Variants in NVL observed in about 807,000 individuals in gnomAD.
NVL encodes nuclear VCP like.
In NVL, 84 loss-of-function variants were observed where a neutral mutation model predicts 110.2. The ratio of observed to expected loss-of-function variants is 0.76; its 90% CI spans 0.64 to 0.91. The LOEUF (loss-of-function observed/expected upper bound fraction) is 0.91, where lower values mean the gene tolerates loss of function less well. Among genes scored for constraint, NVL ranks in the 40% least tolerant of loss-of-function variants. The pLI, the probability that NVL is intolerant of heterozygous loss-of-function variation, is 0.00. For synonymous variants in NVL, 354 were observed against 361.1 expected, an observed-to-expected ratio of 0.98 and a Z score of 0.22; for missense variants, 882 against 1,035.9, an observed-to-expected ratio of 0.85 and a Z score of 2.04.
At chr1:224,259,006 A>G (rs112104038) in intron 18 of NVL, among the ~76,000 whole-genome samples, 4,025 of 149,438 alleles carry the variant, frequency 0.027, 84 homozygotes, top group Middle Eastern at 0.056. Context: ...AAAAAAAAGG[A>G]AAGTAGATTA....
In NVL at chr1:224,296,621, A is replaced by G. The variant is rs746881363; in HGVS notation, c.1063-3T>C. The G allele has an allele frequency of 6.5e-7, 1 of 1,539,386 alleles. No individual in the cohort carries two copies. Among genetic ancestry groups the G allele is most frequent in the Non-Finnish European group, 8.9e-7 (1 of 1,126,544 alleles). On this transcript the variant is annotated splice_polypyrimidine_tract_variant and splice_region_variant and intron_variant, in intron 10 of 22. Transcript: ENST00000281701. ...AAAATGATACATGGTGCATTTGACT[A>G]GAAATAAAAATATCACAAAAAGACA...
In NVL at chr1:224,303,823, G is replaced by C; in HGVS notation, c.860C>G (p.Pro287Arg). The C allele has an allele frequency of 6.2e-7, 1 of 1,613,788 alleles. No individual in the cohort carries two copies. The highest frequency in any genetic ancestry group is 8.5e-7 in the Non-Finnish European group (1 of 1,179,832). Residue 287 changes from proline (P) to arginine (R), a missense_variant, in exon 9 of 23, where the codon CCG (proline) becomes CGG (arginine). By Grantham distance (103) the Pro-to-Arg change is moderately radical. Around this residue, in one of 4 missense-constraint regions of NVL, gnomAD observed 416 missense variants for 499.3 expected, o/e 0.83. Transcript: ENST00000281701. ...GACGCCCAGGTGGTGGTACACCTCCGGGTGACGCATGTGTATGAGCATCTT... is the reference window on the plus strand; with the variant it reads ...GACGCCCAGGTGGTGGTACACCTCCCGGTGACGCATGTGTATGAGCATCTT... The part of the protein sequence containing the change: ...VCKMLIHMRH[P>R]EVYHHLGVVP...
intron 11 of NVL, among the ~76,000 whole-genome samples, chr1:224,295,451 C>T (rs1025373093): frequency 3.3e-5 from 5 of 152,088 alleles, no homozygotes; most frequent in African/African-American, 9.7e-5. Context: ...CCACCCACCT[C>T]GGCCTCCCAA....
At chr1:224,258,942 A>C (rs1453567459) in intron 18 of NVL, among the ~76,000 whole-genome samples, 3 of 138,870 alleles carry the variant, frequency 2.2e-5, no homozygotes, top group African/African-American at 7.8e-5. Context: ...CAGGAGTGCG[A>C]GACCAACCTG....
intron 19 of NVL, among the ~76,000 whole-genome samples, chr1:224,249,443 T>C (rs926064819): frequency 6.6e-6 from 1 of 152,066 alleles, no homozygotes; most frequent in Non-Finnish European, 1.5e-5. Flanking sequence ...TTATTTATTT[T>C]TAAATATAGG....
At chr1:224,290,862 C>T (rs1465206763) in intron 12 of NVL, among the ~76,000 whole-genome samples, 1 of 150,964 alleles carries the variant, frequency 6.6e-6, no homozygotes, top group African/African-American at 2.4e-5. Flanking sequence ...CCTAGCTACA[C>T]GGGAGCCTGA....
rs1337054645 is a variant in NVL at position 224,231,310 on chromosome 1, G to A, written c.2456-14C>T. ...CCTTGAGTTCACCTATGGAGTAAAT[G>A]CACAAATATACACATCTCAGTATCG... On this transcript the variant is annotated splice_polypyrimidine_tract_variant and intron_variant, in intron 21 of 22. Transcript: ENST00000281701. 6.2e-7 allele frequency: 1 copy of A among 1,601,116 alleles called. No homozygotes were observed. The highest frequency in any genetic ancestry group is 8.5e-7 in the Non-Finnish European group (1 of 1,170,080).
At chr1:224,231,426 G>T in intron 21 of NVL, 130 bp from the exon 22 acceptor site, 1 of 664,864 alleles carries the variant, frequency 1.5e-6, no homozygotes, top group South Asian at 1.8e-5. Flanking sequence ...GATGGGCTCT[G>T]TTCTTTTTCA....
chr1:224,245,531 T>C (rs1188803995), intron 19 of NVL, among the ~76,000 whole-genome samples: 2 of 152,166 alleles, frequency 1.3e-5, no homozygotes, highest in Admixed American at 6.5e-5. Context: ...AGTCTTAGAA[T>C]AGGACACAGT....
rs370232058 is a variant in NVL at position 224,260,477 on chromosome 1, C to T, written c.2182+7557G>A. The stretch of plus-strand genomic sequence containing the variant: ...TTCACCATGTTGGCCAGGATAGTCT[C>T]GATCTCCTAACCTCGTGATGTGTCT... On this transcript the variant is annotated intron_variant, in intron 18 of 22. Coordinates refer to ENST00000281701, the MANE Select transcript of NVL (RefSeq NM_002533.4). Among the ~76,000 whole-genome samples, 23 of 152,000 alleles carry T rather than the reference C, an allele frequency of 1.5e-4. No homozygotes were observed. In the South Asian group the frequency reaches 4.4e-3, roughly 29 times the overall value.
At chr1:224,316,235 T>C (rs1319095206) in intron 4 of NVL, among the ~76,000 whole-genome samples, 2 of 152,078 alleles carry the variant, frequency 1.3e-5, no homozygotes, top group African/African-American at 2.4e-5. Context: ...CCATACATAC[T>C]TATCAATAAA....
chr1:224,305,179 T>C lies in NVL; in HGVS notation c.616-13A>G. On this transcript the variant is annotated splice_polypyrimidine_tract_variant and intron_variant, in intron 6 of 22. Transcript: ENST00000281701. ...AATCTTTTGAATCCTGGAAAGAAAA[T>C]AAATTTAAATATGCCATGCTTAAAA... 1 of 1,592,786 alleles carries C rather than the reference T, an allele frequency of 6.3e-7. No homozygotes were observed. Among genetic ancestry groups the C allele is most frequent in the South Asian group, 1.2e-5 (1 of 86,838 alleles).
chr1:224,256,094 C>A (rs1663191827), intron 18 of NVL, among the ~76,000 whole-genome samples: 1 of 152,044 alleles, frequency 6.6e-6, no homozygotes, highest in Non-Finnish European at 1.5e-5. Flanking sequence ...CAGCTCTATG[C>A]CAATTACCAT....
intron 19 of NVL, among the ~76,000 whole-genome samples, chr1:224,240,818 T>A (rs2102723692): frequency 7.7e-6 from 1 of 129,366 alleles, no homozygotes; most frequent in East Asian, 2.3e-4. Flanking sequence ...TGAGACAGAG[T>A]CTCGCCCTGT....
At position 224,229,874 on chromosome 1, in the gene NVL, G is replaced by A. The variant is rs375560471; in HGVS notation, c.2526+1352C>T. On this transcript the variant is annotated intron_variant, in intron 22 of 22. Transcript: ENST00000281701. ...TGAGACAAGGTTTCGTTCTGTAACC[G>A]AGGCTGGAGTACAATGGTGTGATCA... Among the ~76,000 whole-genome samples, 13 of 152,090 alleles carry A rather than the reference G, an allele frequency of 8.5e-5. No homozygotes were observed. The East Asian group carries it at 1.4e-3, about 16-fold the overall frequency.
chr1:224,238,039 C>CT (rs1553304700), intron 19 of NVL, among the ~76,000 whole-genome samples: 31 of 149,156 alleles, frequency 2.1e-4, no homozygotes, highest in Admixed American at 4.0e-4. Context: ...TTTCTCTTTT[C>CT]TTTTTTTTTC....
intron 19 of NVL, among the ~76,000 whole-genome samples, chr1:224,239,626 A>C (rs1350658937): frequency 6.6e-6 from 1 of 152,206 alleles, no homozygotes; most frequent in Non-Finnish European, 1.5e-5. Context: ...TGTTTTAATC[A>C]AAAGCTGAAT....
intron 19 of NVL, among the ~76,000 whole-genome samples, chr1:224,240,492 T>A (rs868741366): frequency 6.6e-6 from 1 of 152,040 alleles, no homozygotes; most frequent in African/African-American, 2.4e-5. Context: ...ATTACAGGCG[T>A]GAGCCACAGC....
chr1:224,283,580 G>C (rs192008039), intron 15 of NVL, among the ~76,000 whole-genome samples: 2 of 152,296 alleles, frequency 1.3e-5, no homozygotes, highest in Admixed American at 6.5e-5. Context: ...GAGAAATGTA[G>C]ATCTATGATG....
Sources: gnomAD v4.1 joint callset for allele counts (sites outside exome capture counted in the v4.1 genomes callset) on GRCh38, gnomAD v4.1.1 for gene constraint, gnomAD v4.1.1 regional missense constraint, MANE v1.5 for transcripts, NCBI Gene and HGNC (gene_info 2026-07-23, HGNC 2026-07-21) for gene names.